The following PLXNA4 variants were observed in gnomAD, a reference collection of about 807,000 sequenced individuals.
PLXNA4 encodes the protein plexin-A4.
Under a neutral mutation model 191.8 loss-of-function variants are expected in PLXNA4, and 44 were observed. That is an observed-to-expected ratio of 0.23 (90% CI 0.18 to 0.29). The LOEUF (loss-of-function observed/expected upper bound fraction) is 0.29. Ranked by LOEUF, PLXNA4 falls within the 10% of genes least tolerant of loss-of-function variation. The pLI is 1.00. For missense variants in PLXNA4, 1,800 were observed against 2,488.8 expected (o/e 0.72, Z 5.89); for synonymous variants, 1,082 against 1,009.5 (o/e 1.07, Z -1.36).
In PLXNA4 at chr7:132,286,491, T is replaced by C. The variant is rs1037628925; in HGVS notation, c.1503+11600A>G. ...GCCAGAGACAGATGCTTAATGGAGT[T>C]CAGGATTAGAGACCTGCCAGCGCTT... is the stretch of plus-strand genomic sequence containing the variant. On this transcript the variant is annotated intron_variant, in intron 4 of 31. Coordinates refer to ENST00000321063, the MANE Select transcript of PLXNA4 (RefSeq NM_020911.2). 1.3e-5 allele frequency among the ~76,000 whole-genome samples: 2 copies of C among 152,292 alleles called. 1 individual carries two copies. The highest frequency in any genetic ancestry group is 4.2e-4 in the South Asian group (2 of 4,816).
chr7:132,402,790 G>T (rs1299436659), intron 3 of PLXNA4, among the ~76,000 whole-genome samples: 1 of 152,198 alleles, frequency 6.6e-6, no homozygotes, highest in African/African-American at 2.4e-5. Flanking sequence ...CCATCACTTT[G>T]CATGAGACAG....
At chr7:132,499,619 CATG>C (rs1266490407) in intron 2 of PLXNA4, among the ~76,000 whole-genome samples, 3 of 152,134 alleles carry the variant, frequency 2.0e-5, no homozygotes, top group African/African-American at 7.2e-5. Context: ...TGAGAAATAC[CATG>C]ATGATTAAGT....
At chr7:132,436,737 G>T (rs1460430491) in intron 3 of PLXNA4, among the ~76,000 whole-genome samples, 15 of 152,206 alleles carry the variant, frequency 9.9e-5, no homozygotes, top group Admixed American at 9.2e-4. Context: ...ATAGTGAAAA[G>T]GTCAGTGAGC....
At position 132,124,998 on chromosome 7, in the gene PLXNA4, C is replaced by G. The variant is rs1019394172; in HGVS notation, c.*5481G>C. 7 of 30,954 alleles carry G rather than the reference C, an allele frequency of 2.3e-4. No homozygotes were observed. Among genetic ancestry groups the G allele is most frequent in the Non-Finnish European group, 3.0e-4 (5 of 16,654 alleles). 1.9% of individuals were successfully genotyped at this position (30,954 alleles called of 1,614,324 possible). On this transcript the variant is annotated 3_prime_UTR_variant, in exon 32 of 32. Coordinates refer to ENST00000321063, the MANE Select transcript of PLXNA4 (RefSeq NM_020911.2). The stretch of plus-strand genomic sequence containing the variant: ...TACTTTTAAAACTTGGATACTCCCT[C>G]TAATAAAATAATTTTATGGGGGAGC...
At chr7:132,577,181 G>C (rs902992584), upstream of PLXNA4, 27 of 147,092 alleles carry the variant, frequency 1.8e-4, no homozygotes, top group Non-Finnish European at 3.9e-4. Context: ...CGGGCCTCCC[G>C]GGCGCGCCCC....
chr7:132,217,035 G>C (rs79872383), intron 9 of PLXNA4, among the ~76,000 whole-genome samples: 1 of 152,198 alleles, frequency 6.6e-6, no homozygotes, highest in East Asian at 1.9e-4. Flanking sequence ...GAATGCAGGG[G>C]GGTGAGAAGT....
At position 132,168,342 on chromosome 7, in the gene PLXNA4, G is replaced by A; in HGVS notation, c.4248C>T (p.Asn1416=). The A allele has an allele frequency of 1.3e-6, 2 of 1,598,668 alleles. No homozygotes were observed. Among genetic ancestry groups the A allele is most frequent in the Non-Finnish European group, 1.7e-6 (2 of 1,170,732 alleles). The change falls in exon 22 of 32, where the codon AAC becomes AAT. Residue 1416 remains asparagine, a synonymous_variant. Coordinates refer to ENST00000321063, the MANE Select transcript of PLXNA4 (RefSeq NM_020911.2). ...GCTTAGGGTGGTTCTTGCTCTCCAG[G>A]TTCTTGTCAATGAGGTCGGCCAGCA... ...KQLLADLIDK[N]LESKNHPKLL...
intron 3 of PLXNA4, among the ~76,000 whole-genome samples, chr7:132,379,072 A>C (rs1461082168): frequency 3.9e-5 from 6 of 152,164 alleles, no homozygotes; most frequent in African/African-American, 1.4e-4. Context: ...ACTGGTCTCG[A>C]ACTCCTGACT....
intron 3 of PLXNA4, among the ~76,000 whole-genome samples, chr7:132,331,483 G>A (rs747056256): frequency 3.3e-5 from 5 of 152,186 alleles, no homozygotes; most frequent in South Asian, 2.1e-4. Flanking sequence ...GGGGCATCAG[G>A]TCTGAGTCTT....
chr7:132,620,023 C>T (rs1015372998), intron 2 of PLXNA4, among the ~76,000 whole-genome samples: 5 of 152,262 alleles, frequency 3.3e-5, no homozygotes, highest in South Asian at 4.1e-4. Context: ...AGGATGGTCT[C>T]GAGCTCCTGA....
chr7:132,210,936 G>A lies in PLXNA4; in HGVS notation c.2298+7C>T, dbSNP rs750713309. ...GGTTTGGCAGTGGGCAGGGTTGGGC[G>A]ACTCACAGAGGTGTTCTGGCACTGT... On this transcript the variant is annotated splice_region_variant and intron_variant, in intron 10 of 31. Transcript: ENST00000321063. 13 of 1,608,528 alleles carry A rather than the reference G, an allele frequency of 8.1e-6. No homozygotes were observed. The highest frequency in any genetic ancestry group is 4.4e-5 in the South Asian group (4 of 90,958).
intron 1 of PLXNA4, among the ~76,000 whole-genome samples, chr7:132,573,851 C>T (rs1397113864): frequency 2.0e-5 from 3 of 152,052 alleles, no homozygotes; most frequent in Non-Finnish European, 2.9e-5. Context: ...TACCAGGCAG[C>T]GAGGGTCTGC....
chr7:132,542,951 C>T (rs1585306003), intron 1 of PLXNA4, among the ~76,000 whole-genome samples: 2 of 152,146 alleles, frequency 1.3e-5, no homozygotes, highest in South Asian at 4.2e-4. Flanking sequence ...AATCCATGGT[C>T]TGATAATTGC....
Position 132,130,270 on chromosome 7 carries a change from T to C in PLXNA4, c.*209A>G, listed in dbSNP as rs1439296945. ...TTGGACTAACTGAGGGTCAGTGGCT[T>C]GGTCCAATCGTGTTGGCAGAGCAAC... On this transcript the variant is annotated 3_prime_UTR_variant, in exon 32 of 32. Coordinates refer to ENST00000321063, the MANE Select transcript of PLXNA4 (RefSeq NM_020911.2). 2 of 655,060 alleles carry C rather than the reference T, an allele frequency of 3.1e-6. No individual in the cohort carries two copies. The highest frequency in any genetic ancestry group is 1.8e-5 in the African/African-American group (1 of 55,228). 40.6% of individuals were successfully genotyped at this position (655,060 alleles called of 1,614,324 possible).
chr7:132,362,358 G>A (rs953083962), intron 3 of PLXNA4, among the ~76,000 whole-genome samples: 2 of 152,206 alleles, frequency 1.3e-5, no homozygotes, highest in Non-Finnish European at 2.9e-5. Flanking sequence ...TTCTGGGTTG[G>A]GAATTGGTGT....
intron 3 of PLXNA4, among the ~76,000 whole-genome samples, chr7:132,365,242 G>C (rs937427794): frequency 3.3e-5 from 5 of 152,146 alleles, no homozygotes; most frequent in African/African-American, 4.8e-5. Context: ...AAAAGCACTA[G>C]TGAATAATGG....
chr7:132,645,121 A>G (rs2116895654), intron 2 of PLXNA4, among the ~76,000 whole-genome samples: 1 of 152,320 alleles, frequency 6.6e-6, no homozygotes, highest in Non-Finnish European at 1.5e-5. Flanking sequence ...GATGCCCATT[A>G]AGAACCTACA....
chr7:132,553,462 A>T (rs554034208), intron 1 of PLXNA4, among the ~76,000 whole-genome samples: 3 of 152,244 alleles, frequency 2.0e-5, no homozygotes, highest in Non-Finnish European at 4.4e-5. Flanking sequence ...CATGAAAATT[A>T]AGTGCAAAAG....
chr7:132,233,197 T>A (rs535773396), intron 5 of PLXNA4, among the ~76,000 whole-genome samples: 54 of 152,332 alleles, frequency 3.5e-4, no homozygotes, highest in African/African-American at 1.2e-3. Context: ...GAAGCTTTGG[T>A]CATTGTCATC....
Sources: gnomAD v4.1 joint callset for allele counts (sites outside exome capture counted in the v4.1 genomes callset) on GRCh38, gnomAD v4.1.1 for gene constraint, MANE v1.5 for transcripts, NCBI Gene and HGNC (gene_info 2026-07-23, HGNC 2026-07-21) for gene names.